Variants in BOLL observed in about 807,000 individuals in gnomAD.
BOLL encodes the protein protein boule-like.
BOLL carries 23 observed loss-of-function variants against 44.4 expected under a neutral mutation model. That is an observed-to-expected ratio of 0.52 (90% CI 0.37 to 0.73). BOLL has a LOEUF of 0.73. Among genes scored for constraint, BOLL ranks in the 30% least tolerant of loss-of-function variants. BOLL has a pLI of 0.00. For synonymous variants in BOLL, 97 were observed against 110.8 expected (o/e 0.88, Z 0.78); for missense variants, 287 against 338.3 (o/e 0.85, Z 1.19).
intron 10 of BOLL, among the ~76,000 whole-genome samples, chr2:197,735,160 T>G (rs760843210): frequency 6.6e-5 from 10 of 152,216 alleles, no homozygotes; most frequent in Non-Finnish European, 1.5e-4. Flanking sequence ...GTGATCTATT[T>G]TCTCTCTTTA....
chr2:197,766,743 T>C, intron 6 of BOLL, 140 bp from the exon 7 acceptor site: 3 of 624,406 alleles, frequency 4.8e-6, no homozygotes, highest in Non-Finnish European at 8.5e-6. Context: ...CTTATTGATA[T>C]GATTACCAAC....
upstream of BOLL, chr2:197,785,898 G>A: frequency 1.7e-6 from 2 of 1,152,920 alleles, no homozygotes; most frequent in Non-Finnish European, 2.6e-6. This position sits in a 1 kb window ranked among gnomAD's most constrained non-coding sequence, Gnocchi z 6.7. Context: ...CCTTCACCTC[G>A]CCCCTCCAAG....
rs1574837614 is a variant in BOLL at position 197,756,538 on chromosome 2, G to A, written c.619C>T (p.Pro207Ser). 2 of 1,609,214 alleles carry A rather than the reference G, an allele frequency of 1.2e-6. No homozygotes were observed. The highest frequency in any genetic ancestry group is 1.3e-5 in the African/African-American group (1 of 74,756). Residue 207 changes from proline (P) to serine (S), a missense_variant, in exon 9 of 11, where the codon CCA becomes TCA. Coordinates refer to ENST00000392296, the MANE Select transcript of BOLL (RefSeq NM_033030.6). ...TCAGAAGGTTGCAGGTATAAGAATGGAGCAGAAGAGGCAGAAGGCTAAAAT... is the reference window on the plus strand; with the variant it reads ...TCAGAAGGTTGCAGGTATAAGAATGAAGCAGAAGAGGCAGAAGGCTAAAAT... ...SVPQPSASSA[P>S]FLYLQPSEVI...
chr2:197,750,064 G>A (rs1688165703), intron 9 of BOLL, among the ~76,000 whole-genome samples: 1 of 152,118 alleles, frequency 6.6e-6, no homozygotes, highest in Non-Finnish European at 1.5e-5. Flanking sequence ...ATAAGTGAAG[G>A]AGAAATAAAA....
In BOLL at chr2:197,728,348, C is replaced by T. The variant is rs1265572046; in HGVS notation, c.*207G>A. 5.6e-6 allele frequency: 4 copies of T among 709,056 alleles called. No homozygotes were observed. The Admixed American group carries it at 9.4e-5, about 17-fold the overall frequency. 43.9% of individuals were successfully genotyped at this position (709,056 alleles called of 1,614,324 possible). A position where few individuals can be genotyped will look rare whatever the true frequency, so the allele number is the denominator to read the frequency against. ...ATAAAAAACCAACATGCCACATCTA[C>T]CTAAATAATTTTGTAGAACAGCTGA... On this transcript the variant is annotated 3_prime_UTR_variant, in exon 11 of 11. Transcript: ENST00000392296.
At chr2:197,777,146 C>A (rs959617605) in intron 3 of BOLL, 33 bp from the exon 4 acceptor site, 2 of 1,335,954 alleles carry the variant, frequency 1.5e-6, no homozygotes, top group South Asian at 1.5e-5. Context: ...ACTAATTAAT[C>A]ATTTTCTTAG....
rs1686931125 is a variant in BOLL at position 197,728,163 on chromosome 2, T to C, written c.*392A>G. The C allele has an allele frequency of 7.0e-6, 2 of 285,582 alleles. No individual in the cohort carries two copies. Among genetic ancestry groups the C allele is most frequent in the African/African-American group, 4.3e-5 (2 of 46,078 alleles). The allele number at this position is 285,582 out of a possible 1,614,324, so 17.7% of individuals were successfully genotyped here. ...ATGATTCTTATCCTAAATATGAAAA[T>C]AAATATCAAATAATATGAAACATAA... On this transcript the variant is annotated 3_prime_UTR_variant, in exon 11 of 11. Coordinates refer to ENST00000392296, the MANE Select transcript of BOLL (RefSeq NM_033030.6).
At chr2:197,743,273 A>C in intron 9 of BOLL, 114 bp from the exon 10 acceptor site, 2 of 625,390 alleles carry the variant, frequency 3.2e-6, no homozygotes, top group East Asian at 6.7e-5. Flanking sequence ...ACAGTTAAAA[A>C]CACATGCCCT....
At chr2:197,734,601 G>C (rs1038901284) in intron 10 of BOLL, among the ~76,000 whole-genome samples, 5 of 152,194 alleles carry the variant, frequency 3.3e-5, no homozygotes, top group African/African-American at 9.6e-5. Flanking sequence ...AAATGTGGCA[G>C]ATATACACCA....
intron 5 of BOLL, among the ~76,000 whole-genome samples, chr2:197,775,183 T>G (rs1296495195): frequency 6.6e-6 from 1 of 151,838 alleles, no homozygotes; most frequent in Non-Finnish European, 1.5e-5. Flanking sequence ...AGCCAATTCC[T>G]AAAGCTTTAG....
intron 6 of BOLL, among the ~76,000 whole-genome samples, chr2:197,769,122 CTT>C (rs938271841): frequency 1.3e-5 from 2 of 151,744 alleles, no homozygotes; most frequent in Admixed American, 6.6e-5. Flanking sequence ...CTAAAATTCT[CTT>C]TTTTTGTTGT....
intron 7 of BOLL, among the ~76,000 whole-genome samples, chr2:197,759,250 T>C (rs1688647016): frequency 6.6e-6 from 1 of 152,162 alleles, no homozygotes; most frequent in Non-Finnish European, 1.5e-5. Context: ...AACCCTTCTC[T>C]TCTGCTAGGA....
chr2:197,769,807 CT>C (rs1689156497), intron 6 of BOLL, among the ~76,000 whole-genome samples: 1 of 152,056 alleles, frequency 6.6e-6, no homozygotes, highest in Non-Finnish European at 1.5e-5. Flanking sequence ...TGTGAAGGAC[CT>C]CTTCAAGGAG....
At chr2:197,779,212 G>A (rs1276532084) in intron 2 of BOLL, 146 bp from the exon 3 acceptor site, 2 of 575,818 alleles carry the variant, frequency 3.5e-6, no homozygotes, top group Non-Finnish European at 6.0e-6. Context: ...TAAACCACTA[G>A]GTGATTAAAA....
Position 197,785,260 on chromosome 2 carries a change from C to T in BOLL, c.-220G>A, listed in dbSNP as rs1357627046. ...GAGAAATTTTGCCCCACAAATCCGC[C>T]AGCAGCAGTGGCGGGAAGCCTCAAC... On this transcript the variant is annotated 5_prime_UTR_variant, in exon 1 of 11. Transcript: ENST00000392296. This position sits in a 1 kb window ranked among gnomAD's most constrained non-coding sequence, Gnocchi z 6.7. 2 of 985,716 alleles carry T rather than the reference C, an allele frequency of 2.0e-6. No homozygotes were observed. Among genetic ancestry groups the T allele is most frequent in the African/African-American group, 1.7e-5 (1 of 57,262 alleles). 61.1% of individuals were successfully genotyped at this position (985,716 alleles called of 1,614,324 possible).
intron 7 of BOLL, among the ~76,000 whole-genome samples, chr2:197,765,338 A>C (rs1574849095): frequency 6.6e-6 from 1 of 151,928 alleles, no homozygotes; most frequent in African/African-American, 2.4e-5. Flanking sequence ...GGAAATAAAA[A>C]TTAAAAAAAA....
intron 4 of BOLL, 105 bp downstream of exon 4, chr2:197,776,954 A>C (rs1689542805): frequency 3.4e-6 from 3 of 890,196 alleles, no homozygotes; most frequent in Admixed American, 6.2e-5. Flanking sequence ...CTTAAGATGC[A>C]AACCTTTTTT....
At chr2:197,751,472 G>T (rs1688250243) in intron 9 of BOLL, among the ~76,000 whole-genome samples, 1 of 152,064 alleles carries the variant, frequency 6.6e-6, no homozygotes, top group African/African-American at 2.4e-5. Context: ...TATCACCACT[G>T]ATCCCACAGA....
intron 7 of BOLL, among the ~76,000 whole-genome samples, chr2:197,761,199 G>A (rs1688740773): frequency 6.6e-6 from 1 of 152,148 alleles, no homozygotes; most frequent in Admixed American, 6.5e-5. Flanking sequence ...AGTCTCAGCT[G>A]TGTGGCAGGC....
Sources: allele counts gnomAD v4.1 joint callset (sites outside exome capture counted in the v4.1 genomes callset), GRCh38; gene constraint gnomAD v4.1.1; non-coding constraint Gnocchi (gnomAD v3.1); transcripts MANE v1.5; gene names NCBI Gene and HGNC (gene_info 2026-07-23, HGNC 2026-07-21).